The following CRACDL variants were observed in gnomAD, a reference collection of about 807,000 sequenced individuals.
The protein encoded by CRACDL is CRACD-like protein.
In CRACDL, 26 loss-of-function variants were observed where a neutral mutation model predicts 70.6. The observed-to-expected ratio is 0.37, with a 90% CI of 0.27 to 0.51. CRACDL has a LOEUF of 0.51. Among genes scored for constraint, CRACDL ranks in the 20% least tolerant of loss-of-function variants. The pLI, the probability that CRACDL is intolerant of heterozygous loss-of-function variation, is 0.94. For missense variants in CRACDL, 1,283 were observed against 1,376.9 expected (o/e 0.93, Z 1.08); for synonymous variants, 618 against 615.2 (o/e 1.00, Z -0.07).
At chr2:98,890,800 T>C (rs1196175989) in intron 1 of CRACDL, among the ~76,000 whole-genome samples, 1 of 152,200 alleles carries the variant, frequency 6.6e-6, no homozygotes, top group African/African-American at 2.4e-5. Flanking sequence ...CTCACACATG[T>C]AATCCCAGCA....
intron 1 of CRACDL, among the ~76,000 whole-genome samples, chr2:98,882,996 C>T (rs1707698754): frequency 6.6e-6 from 1 of 152,174 alleles, no homozygotes; most frequent in African/African-American, 2.4e-5. Context: ...TTGGCCCATC[C>T]CCTGCACGTG....
At chr2:98,895,213 C>T (rs1353589848) in intron 1 of CRACDL, among the ~76,000 whole-genome samples, 2 of 152,218 alleles carry the variant, frequency 1.3e-5, no homozygotes, top group African/African-American at 4.8e-5. Flanking sequence ...TAGCTACAAG[C>T]ACCATGCTAG....
Position 98,822,944 on chromosome 2 carries a change from C to CCCCG in CRACDL, c.1328_1329insCGGG (p.Pro444GlyfsTer7). The CCCCG allele has an allele frequency of 6.8e-7, 1 of 1,460,418 alleles. No homozygotes were observed. Among genetic ancestry groups the CCCCG allele is most frequent in the Non-Finnish European group, 9.0e-7 (1 of 1,111,644 alleles). 90.5% of individuals were successfully genotyped at this position (1,460,418 alleles called of 1,614,324 possible). On this transcript the variant is annotated frameshift_variant, in exon 7 of 10. Coordinates refer to ENST00000397899, the MANE Select transcript of CRACDL (RefSeq NM_207362.3). LOFTEE classifies it high-confidence loss of function. The surrounding 1 kb of genome is among the most constrained non-coding windows in gnomAD (Gnocchi z 4.9). ...CCTTCTCCTCATCCGGGAGCACGGG[C>CCCCG]GGCGTCGGCTCCGCTTCCTTCGGGA... is the stretch of plus-strand genomic sequence containing the variant.
At chr2:98,853,029 AAAGGG>A (rs1267700463) in intron 1 of CRACDL, among the ~76,000 whole-genome samples, 21 of 119,140 alleles carry the variant, frequency 1.8e-4, no homozygotes, top group African/African-American at 5.7e-4. Flanking sequence ...AAGGGAAGGG[AAAGGG>A]AAGGGAAGGG....
At chr2:98,888,995 G>A (rs961178246) in intron 1 of CRACDL, among the ~76,000 whole-genome samples, 4 of 151,940 alleles carry the variant, frequency 2.6e-5, no homozygotes, top group African/African-American at 4.8e-5. Flanking sequence ...AGGCATGGTG[G>A]TATGCACCTA....
At chr2:98,819,303 C>T (rs1347278671) in intron 7 of CRACDL, among the ~76,000 whole-genome samples, 2 of 152,164 alleles carry the variant, frequency 1.3e-5, no homozygotes, top group East Asian at 3.8e-4. Flanking sequence ...TTTTTAAGTT[C>T]CATTCATTTA....
intron 7 of CRACDL, among the ~76,000 whole-genome samples, chr2:98,811,535 A>AG (rs1445307145): frequency 1.3e-5 from 2 of 151,612 alleles, no homozygotes; most frequent in Non-Finnish European, 2.9e-5. Context: ...AAAAAAAAAA[A>AG]AAAAGAAAAT....
At chr2:98,858,506 C>A (rs1174999037) in intron 1 of CRACDL, among the ~76,000 whole-genome samples, 2 of 130,614 alleles carry the variant, frequency 1.5e-5, no homozygotes, top group African/African-American at 2.9e-5. Context: ...CAGAGTGAGA[C>A]TCTGTCAAAA....
intron 1 of CRACDL, among the ~76,000 whole-genome samples, chr2:98,859,896 A>C (rs1706867538): frequency 6.6e-6 from 1 of 152,242 alleles, no homozygotes; most frequent in African/African-American, 2.4e-5. Context: ...ATGATCATGC[A>C]CATAGATAAT....
intron 1 of CRACDL, among the ~76,000 whole-genome samples, chr2:98,921,898 A>G (rs996406773): frequency 1.3e-5 from 2 of 152,036 alleles, no homozygotes; most frequent in African/African-American, 4.8e-5. Flanking sequence ...ACTCCCACCC[A>G]GGGCAACATT....
Position 98,825,334 on chromosome 2 carries a change from G to A in CRACDL, c.735+1641C>T, listed in dbSNP as rs571567352. ...ACAGAGTTGAAATCAAGGAAAGGCT[G>A]TTTACCTGTTTGCCCAGGCTGGCTA... is the stretch of plus-strand genomic sequence containing the variant. On this transcript the variant is annotated intron_variant, in intron 6 of 9. Transcript: ENST00000397899. Among the ~76,000 whole-genome samples the A allele has an allele frequency of 7.4e-4, 113 of 152,342 alleles. 1 individual carries two copies. Among genetic ancestry groups the A allele is most frequent in the South Asian group, 1.2e-3 (6 of 4,824 alleles).
chr2:98,852,057 A>T (rs958871253), intron 1 of CRACDL, among the ~76,000 whole-genome samples: 9 of 152,180 alleles, frequency 5.9e-5, no homozygotes, highest in African/African-American at 2.2e-4. Context: ...TGGAGCTCAA[A>T]TACAAAGCCA....
intron 1 of CRACDL, among the ~76,000 whole-genome samples, chr2:98,913,163 CCTA>C (rs1217133973): frequency 1.3e-5 from 2 of 152,176 alleles, no homozygotes; most frequent in Non-Finnish European, 2.9e-5. Flanking sequence ...TTCCTGAAGA[CCTA>C]CTATGTGCTC....
intron 1 of CRACDL, among the ~76,000 whole-genome samples, chr2:98,924,554 C>T (rs1350925646): frequency 1.1e-4 from 16 of 152,204 alleles, no homozygotes; most frequent in Non-Finnish European, 5.9e-5. Context: ...CAGACAGGAG[C>T]CAGTTGACCT....
chr2:98,932,955 G>A (rs1709117191), intron 1 of CRACDL, among the ~76,000 whole-genome samples: 1 of 152,184 alleles, frequency 6.6e-6, no homozygotes, highest in Admixed American at 6.5e-5. Flanking sequence ...ACCCCACCTG[G>A]AGGAGCAGGG....
At chr2:98,900,622 C>T (rs55945394) in intron 1 of CRACDL, among the ~76,000 whole-genome samples, 2,736 of 152,180 alleles carry the variant, frequency 0.018, 37 homozygotes, top group Non-Finnish European at 0.028. Flanking sequence ...CGTGTGCATG[C>T]GTGCGTGCAG....
chr2:98,899,496 T>G (rs527768008), intron 1 of CRACDL, among the ~76,000 whole-genome samples: 1 of 152,200 alleles, frequency 6.6e-6, no homozygotes, highest in African/African-American at 2.4e-5. Context: ...GTGGAACACC[T>G]GGGACTGCAG....
intron 2 of CRACDL, among the ~76,000 whole-genome samples, chr2:98,839,813 A>C (rs774385548): frequency 9.2e-5 from 14 of 152,292 alleles, no homozygotes; most frequent in Non-Finnish European, 1.8e-4. Flanking sequence ...ATTATTAATA[A>C]TATCTTTTTA....
intron 9 of CRACDL, among the ~76,000 whole-genome samples, chr2:98,795,077 A>ATATTTTT: frequency 3.4e-5 from 2 of 58,510 alleles, no homozygotes; most frequent in African/African-American, 6.6e-5. Context: ...ATATATATAT[A>ATATTTTT]TTTTTTTTTT....
Sources: allele counts gnomAD v4.1 joint callset (sites outside exome capture counted in the v4.1 genomes callset), GRCh38; gene constraint gnomAD v4.1.1; non-coding constraint Gnocchi (gnomAD v3.1); transcripts MANE v1.5; gene names NCBI Gene and HGNC (gene_info 2026-07-23, HGNC 2026-07-21).